Variants in FKBP7 observed in about 807,000 individuals in gnomAD.
The protein encoded by FKBP7 is peptidyl-prolyl cis-trans isomerase FKBP7.
In FKBP7, 24 loss-of-function variants were observed where a neutral mutation model predicts 24.3. The observed-to-expected ratio is 0.99, with a 90% CI of 0.72 to 1.39. FKBP7 has a LOEUF of 1.39. FKBP7 is among the 40% of genes most tolerant of loss of function. The pLI is 0.00. For synonymous variants in FKBP7, 98 were observed against 92.8 expected, an observed-to-expected ratio of 1.06 and a Z score of -0.32; for missense variants, 257 against 269.5, an observed-to-expected ratio of 0.95 and a Z score of 0.33.
chr2:178,474,373 T>C (rs1684942665), intron 2 of FKBP7, among the ~76,000 whole-genome samples: 1 of 152,240 alleles, frequency 6.6e-6, no homozygotes, highest in Admixed American at 6.5e-5. Context: ...TTTTGTAATT[T>C]AAAATTTTAA....
chr2:178,468,959 T>C lies in FKBP7; in HGVS notation c.507+693A>G, dbSNP rs562028239. Among the ~76,000 whole-genome samples, 21 of 151,872 alleles carry C rather than the reference T, an allele frequency of 1.4e-4. 1 individual carries two copies. The South Asian group carries it at 4.4e-3, about 32-fold the overall frequency. On this transcript the variant is annotated intron_variant, in intron 3 of 3. Transcript: ENST00000424785. Reference sequence around the variant, plus strand: ...ACAGCTCACTGCAGCCCCAACCTCCTGGGCTCAAGCGATCCTCCTACCTCT... The same window carrying C: ...ACAGCTCACTGCAGCCCCAACCTCCCGGGCTCAAGCGATCCTCCTACCTCT...
At chr2:178,476,711 T>C (rs2154127208) in intron 2 of FKBP7, among the ~76,000 whole-genome samples, 1 of 148,620 alleles carries the variant, frequency 6.7e-6, no homozygotes, top group East Asian at 2.1e-4. Context: ...AATATTCCAT[T>C]TCATTTTTTT....
chr2:178,475,702 ATAGACT>A (rs1248185867), intron 2 of FKBP7, among the ~76,000 whole-genome samples: 1 of 152,212 alleles, frequency 6.6e-6, no homozygotes, highest in African/African-American at 2.4e-5. Flanking sequence ...AAGTATTCTC[ATAGACT>A]TAAAGGCCAT....
chr2:178,472,905 T>G (rs1390789968), intron 2 of FKBP7: 6 of 317,702 alleles, frequency 1.9e-5, no homozygotes, highest in East Asian at 9.2e-5. Flanking sequence ...TTTCTTGTTT[T>G]TTTTTTTTTT....
chr2:178,476,268 A>G (rs1161651162), intron 2 of FKBP7, among the ~76,000 whole-genome samples: 1 of 152,232 alleles, frequency 6.6e-6, no homozygotes, highest in Non-Finnish European at 1.5e-5. Flanking sequence ...ACTGGACTGA[A>G]CTAGATAGAG....
chr2:178,477,938 G>A (rs1685057095), intron 1 of FKBP7, among the ~76,000 whole-genome samples: 1 of 152,184 alleles, frequency 6.6e-6, no homozygotes, highest in East Asian at 1.9e-4. Context: ...CCTCCGTAAA[G>A]ACTCAATACT....
intron 2 of FKBP7, among the ~76,000 whole-genome samples, chr2:178,476,367 T>A: frequency 6.6e-6 from 1 of 152,180 alleles, no homozygotes; most frequent in East Asian, 1.9e-4. Context: ...AAAATACACA[T>A]AACATAAAAT....
chr2:178,471,492 C>T (rs1454092299), intron 2 of FKBP7, among the ~76,000 whole-genome samples: 2 of 151,988 alleles, frequency 1.3e-5, no homozygotes, highest in Admixed American at 6.6e-5. Flanking sequence ...GGATTACAGG[C>T]GTGAGTCACC....
chr2:178,468,108 A>C (rs978650382), intron 3 of FKBP7, among the ~76,000 whole-genome samples: 1 of 152,226 alleles, frequency 6.6e-6, no homozygotes, highest in Non-Finnish European at 1.5e-5. Context: ...GAGATGAAAA[A>C]GAAACAGAGA....
rs535170608 is a variant in FKBP7, at chr2:178,464,699, A to G, written c.*1071T>C. The G allele has an allele frequency of 1.1e-4, 17 of 152,348 alleles. No homozygotes were observed. In the East Asian group the frequency reaches 1.5e-3, roughly 14 times the overall value. The allele number at this position is 152,348 out of a possible 1,614,324, so 9.4% of individuals were successfully genotyped here. On this transcript the variant is annotated 3_prime_UTR_variant, in exon 4 of 4. Transcript: ENST00000424785. ...CCATACCATGCAGTATGCAAAATCTATGTTCCGATAGACATGTGCCCTTTC... is the reference window on the plus strand; with the variant it reads ...CCATACCATGCAGTATGCAAAATCTGTGTTCCGATAGACATGTGCCCTTTC...
At chr2:178,470,165 G>A (rs1029772657) in intron 2 of FKBP7, among the ~76,000 whole-genome samples, 4 of 151,594 alleles carry the variant, frequency 2.6e-5, no homozygotes, top group South Asian at 2.1e-4. Context: ...AACCAGTCTC[G>A]GCTTGAAAAT....
At chr2:178,471,473 A>C (rs1475788408) in intron 2 of FKBP7, among the ~76,000 whole-genome samples, 3 of 152,240 alleles carry the variant, frequency 2.0e-5, no homozygotes, top group Admixed American at 6.5e-5. Context: ...TTGGCCTCCC[A>C]AAGTGCTGGG....
rs191033209 is a variant in FKBP7, at chr2:178,471,995, T to G, written c.374-2210A>C. ...TAAAACCCATTCCTATTTTTTCCAG[T>G]TATCTCCTTATGACAGAATTATTGT... On this transcript the variant is annotated intron_variant, in intron 2 of 3. Transcript: ENST00000424785. Among the ~76,000 whole-genome samples, 221 of 152,242 alleles carry G rather than the reference T, an allele frequency of 1.5e-3. 5 individuals carry two copies. The South Asian group carries it at 0.022, about 15-fold the overall frequency.
chr2:178,466,396 T>C (rs1440792386), intron 3 of FKBP7, among the ~76,000 whole-genome samples: 1 of 152,122 alleles, frequency 6.6e-6, no homozygotes, highest in African/African-American at 2.4e-5. Flanking sequence ...CTTCTATAGC[T>C]CTCCTCCAAG....
chr2:178,473,586 G>A (rs924831000), intron 2 of FKBP7, among the ~76,000 whole-genome samples: 6 of 152,202 alleles, frequency 3.9e-5, no homozygotes, highest in African/African-American at 1.2e-4. Context: ...GCCTGATGGC[G>A]GTGAACCCTG....
chr2:178,476,981 C>A, intron 2 of FKBP7, 81 bp downstream of exon 2: 7 of 1,028,740 alleles, frequency 6.8e-6, no homozygotes, highest in South Asian at 5.1e-5. Flanking sequence ...GCTTTCAATT[C>A]TTTCAGACCT....
intron 1 of FKBP7, 67 bp from the exon 2 acceptor site, chr2:178,477,280 A>T (rs1284292087): frequency 7.2e-6 from 11 of 1,533,174 alleles, no homozygotes; most frequent in Non-Finnish European, 9.8e-6. Context: ...ACAGCTGGGC[A>T]TTTAAAATTG....
chr2:178,476,426 C>T (rs1026128505), intron 2 of FKBP7, among the ~76,000 whole-genome samples: 4 of 152,166 alleles, frequency 2.6e-5, no homozygotes, highest in Admixed American at 6.5e-5. Context: ...AGTACGCTTA[C>T]ACTACCATGC....
At chr2:178,477,265 A>G (rs1685038425) in intron 1 of FKBP7, 52 bp from the exon 2 acceptor site, 1 of 1,574,598 alleles carries the variant, frequency 6.4e-7, no homozygotes, top group Non-Finnish European at 8.6e-7. Context: ...ATCAAACTTG[A>G]AAATACAGCT....
Sources: allele counts gnomAD v4.1 joint callset (sites outside exome capture counted in the v4.1 genomes callset), GRCh38; gene constraint gnomAD v4.1.1; transcripts MANE v1.5; gene names NCBI Gene and HGNC (gene_info 2026-07-23, HGNC 2026-07-21).